DMXL2: variants seen among roughly 807,000 people sequenced by gnomAD.
DMXL2 encodes Dmx like 2.
A neutral mutation model predicts 331.1 loss-of-function variants in DMXL2; 103 were observed. That is an observed-to-expected ratio of 0.31 (90% CI 0.27 to 0.37). DMXL2 has a LOEUF of 0.37. DMXL2 is among the 10% of genes least tolerant of loss of function. DMXL2 has a pLI of 1.00. For missense variants in DMXL2, 3,171 were observed against 3,642.9 expected (o/e 0.87, Z 3.33); for synonymous variants, 1,281 against 1,252.1 (o/e 1.02, Z -0.49).
intron 6 of DMXL2, among the ~76,000 whole-genome samples, chr15:51,548,508 A>G (rs970284845): frequency 1.3e-5 from 2 of 152,120 alleles, no homozygotes; most frequent in East Asian, 1.9e-4. Flanking sequence ...CTTCTTCAGC[A>G]TAGCATCATT....
intron 1 of DMXL2, among the ~76,000 whole-genome samples, chr15:51,606,516 T>C (rs1171598817): frequency 6.6e-6 from 1 of 152,142 alleles, no homozygotes; most frequent in East Asian, 1.9e-4. Flanking sequence ...TTCGCATCTG[T>C]CTTTGCATCA....
chr15:51,592,823 A>C (rs1390994791), intron 1 of DMXL2, among the ~76,000 whole-genome samples: 1 of 152,088 alleles, frequency 6.6e-6, no homozygotes, highest in African/African-American at 2.4e-5. Flanking sequence ...TAAGCTTCAT[A>C]AGTGAAGGAG....
chr15:51,526,838 G>A lies in DMXL2; in HGVS notation c.2436+8825C>T, dbSNP rs570733672. Among the ~76,000 whole-genome samples, 5 of 152,242 alleles carry A rather than the reference G, an allele frequency of 3.3e-5. No homozygotes were observed. The East Asian group carries it at 9.6e-4, about 29-fold the overall frequency. Reference sequence around the variant, plus strand: ...TAATTTATGAGTTTGAAAACACACAGAGGAGACAAAAGAAAAATGAATAAA... The same window carrying A: ...TAATTTATGAGTTTGAAAACACACAAAGGAGACAAAAGAAAAATGAATAAA... On this transcript the variant is annotated intron_variant, in intron 13 of 43. Coordinates refer to ENST00000560891, the MANE Select transcript of DMXL2 (RefSeq NM_001378457.1).
At chr15:51,528,673 C>T (rs2047824170) in intron 13 of DMXL2, among the ~76,000 whole-genome samples, 1 of 152,102 alleles carries the variant, frequency 6.6e-6, no homozygotes, top group Admixed American at 6.6e-5. Flanking sequence ...AAAATCATAG[C>T]TTGAGACTTC....
In DMXL2 at chr15:51,602,805, T is replaced by A. The variant is rs150992303; in HGVS notation, c.87+19654A>T. On this transcript the variant is annotated intron_variant, in intron 1 of 43. Transcript: ENST00000560891. Reference sequence around the variant, plus strand: ...ACCTTTCCATCTCAACCCAGCCAGCTCTAATTCCTGCTAAAACAAAAATAT... The same window carrying A: ...ACCTTTCCATCTCAACCCAGCCAGCACTAATTCCTGCTAAAACAAAAATAT... 6.3e-3 allele frequency among the ~76,000 whole-genome samples: 967 copies of A among 152,318 alleles called. 3 individuals carry two copies. Among genetic ancestry groups the A allele is most frequent in the Admixed American group, 9.9e-3 (152 of 15,294 alleles).
intron 33 of DMXL2, among the ~76,000 whole-genome samples, chr15:51,462,723 T>C (rs1293036225): frequency 1.3e-5 from 2 of 152,136 alleles, no homozygotes; most frequent in Non-Finnish European, 2.9e-5. Flanking sequence ...CCTCACTAAA[T>C]AGCCAAACAG....
At chr15:51,576,016 AT>A in intron 2 of DMXL2, 39 bp downstream of exon 2, 2 of 1,558,370 alleles carry the variant, frequency 1.3e-6, no homozygotes. Flanking sequence ...TATTAAACAC[AT>A]TTTTAAATGA....
At chr15:51,589,025 T>C (rs2052083227) in intron 1 of DMXL2, among the ~76,000 whole-genome samples, 1 of 152,216 alleles carries the variant, frequency 6.6e-6, no homozygotes, top group South Asian at 2.1e-4. Flanking sequence ...TTTGTGATGT[T>C]TCCCCTCCTC....
intron 13 of DMXL2, among the ~76,000 whole-genome samples, chr15:51,527,002 A>G (rs1317035974): frequency 6.6e-6 from 1 of 152,234 alleles, no homozygotes. Context: ...GGAAATTCCC[A>G]AGACTACAGA....
intron 1 of DMXL2, among the ~76,000 whole-genome samples, chr15:51,616,259 T>G (rs1032508269): frequency 6.6e-6 from 1 of 152,170 alleles, no homozygotes; most frequent in Non-Finnish European, 1.5e-5. Flanking sequence ...CCATTACATT[T>G]TTTAGGTGTT....
At chr15:51,555,134 G>A (rs990977495) in intron 6 of DMXL2, among the ~76,000 whole-genome samples, 1 of 152,192 alleles carries the variant, frequency 6.6e-6, no homozygotes, top group Non-Finnish European at 1.5e-5. Context: ...CTCCAGCCTA[G>A]GCGACAGTGA....
chr15:51,539,320 T>G (rs1260586367), intron 9 of DMXL2, among the ~76,000 whole-genome samples: 3 of 152,192 alleles, frequency 2.0e-5, no homozygotes, highest in Non-Finnish European at 4.4e-5. Context: ...TAACAACTGT[T>G]GAATCAAAGT....
intron 6 of DMXL2, 138 bp from the exon 7 acceptor site, chr15:51,547,546 A>G (rs977758694): frequency 4.5e-5 from 23 of 514,854 alleles, no homozygotes; most frequent in Non-Finnish European, 6.8e-5. Flanking sequence ...ACTTATCTCA[A>G]AATTACATTA....
chr15:51,455,069 A>C lies in DMXL2; in HGVS notation c.8604+82T>G, dbSNP rs2039503687. On this transcript the variant is annotated intron_variant, in intron 40 of 43. Coordinates refer to ENST00000560891, the MANE Select transcript of DMXL2 (RefSeq NM_001378457.1). ...TCATCCTTTTCCCAATAGGACCACCAATGAGATTCACTGTCTGAAACAGAC... is the reference window on the plus strand; with the variant it reads ...TCATCCTTTTCCCAATAGGACCACCCATGAGATTCACTGTCTGAAACAGAC... The C allele has an allele frequency of 8.0e-6, 9 of 1,118,322 alleles. No homozygotes were observed. The South Asian group carries it at 1.1e-4, about 14-fold the overall frequency. The allele number at this position is 1,118,322 out of a possible 1,614,324, so 69.3% of individuals were successfully genotyped here.
chr15:51,471,138 C>T, intron 29 of DMXL2, 85 bp downstream of exon 29: 1 of 1,287,960 alleles, frequency 7.8e-7, no homozygotes, highest in South Asian at 1.6e-5. Context: ...AAAGCTACCC[C>T]ATCATTCCTA....
At chr15:51,451,828 A>G in intron 41 of DMXL2, 131 bp from the exon 42 acceptor site, 7 of 696,550 alleles carry the variant, frequency 1.0e-5, no homozygotes, top group Non-Finnish European at 1.7e-5. Flanking sequence ...ACACCTATAG[A>G]GAGTAGTGAT....
chr15:51,547,049 T>C lies in DMXL2; in HGVS notation c.746+181A>G, dbSNP rs75714023. Among the ~76,000 whole-genome samples, 409 of 152,240 alleles carry C rather than the reference T, an allele frequency of 2.7e-3. 18 individuals are homozygous for C. The East Asian group carries it at 0.062, about 23-fold the overall frequency. The stretch of plus-strand genomic sequence containing the variant: ...CACTCTACAGAGAAAAACTGAGGCA[T>C]AGACAGCTTAAGAAATTTAGTCAAA... On this transcript the variant is annotated intron_variant, in intron 7 of 43. Transcript: ENST00000560891.
At chr15:51,579,094 G>T (rs962387172) in intron 1 of DMXL2, among the ~76,000 whole-genome samples, 9 of 152,176 alleles carry the variant, frequency 5.9e-5, no homozygotes, top group African/African-American at 1.9e-4. Flanking sequence ...GACTAAGTGA[G>T]ACCCTGTCTC....
chr15:51,511,012 C>A (rs947867279), intron 15 of DMXL2, among the ~76,000 whole-genome samples: 4 of 152,208 alleles, frequency 2.6e-5, no homozygotes, highest in Non-Finnish European at 2.9e-5. Context: ...GAAACTGGAC[C>A]CCTTTCTTAC....
Sources: gnomAD v4.1 joint callset for allele counts (sites outside exome capture counted in the v4.1 genomes callset) on GRCh38, gnomAD v4.1.1 for gene constraint, MANE v1.5 for transcripts, NCBI Gene and HGNC (gene_info 2026-07-23, HGNC 2026-07-21) for gene names.